Variants in DST observed in about 807,000 individuals in gnomAD.
DST encodes the protein dystonin.
DST carries 253 observed loss-of-function variants against 875.2 expected under a neutral mutation model. The observed-to-expected ratio is 0.29, with a 90% CI of 0.26 to 0.32. The LOEUF (loss-of-function observed/expected upper bound fraction) is 0.32, where lower values mean the gene tolerates loss of function less well. DST is among the 10% of genes least tolerant of loss of function. The pLI is 1.00. For missense variants in DST, 8,287 were observed against 9,111.6 expected (o/e 0.91, Z 3.68); for synonymous variants, 3,124 against 3,197.1 (o/e 0.98, Z 0.77).
chr6:56,789,184 A>C (rs1240755731), intron 4 of DST, among the ~76,000 whole-genome samples: 2 of 152,110 alleles, frequency 1.3e-5, no homozygotes, highest in East Asian at 3.9e-4. Flanking sequence ...AATTTTTTTT[A>C]ATTAGCCAGG....
intron 99 of DST, 70 bp from the exon 100 acceptor site, chr6:56,464,826 G>A (rs930352832): frequency 8.3e-7 from 1 of 1,205,184 alleles, no homozygotes; most frequent in African/African-American, 1.5e-5. Context: ...ACAAAGTACA[G>A]TAGTTGAATA....
intron 4 of DST, among the ~76,000 whole-genome samples, chr6:56,745,891 C>G (rs1484193800): frequency 6.6e-6 from 1 of 152,132 alleles, no homozygotes; most frequent in Admixed American, 6.5e-5. Context: ...CATATTGGCA[C>G]AAATTTGTAA....
chr6:56,746,183 C>CT (rs1346870173), intron 4 of DST, among the ~76,000 whole-genome samples: 2 of 151,978 alleles, frequency 1.3e-5, no homozygotes, highest in South Asian at 2.1e-4. Flanking sequence ...TAGGATCTCC[C>CT]TTTTTTTGTC....
intron 75 of DST, 147 bp from the exon 76 acceptor site, chr6:56,506,936 T>C (rs1441243515): frequency 4.0e-5 from 33 of 828,990 alleles, no homozygotes; most frequent in Admixed American, 6.2e-5. Flanking sequence ...ATAAATTTTT[T>C]CAACAAGAAA....
intron 29 of DST, 147 bp downstream of exon 29, chr6:56,631,736 A>G: frequency 1.4e-6 from 1 of 731,648 alleles, no homozygotes; most frequent in South Asian, 1.6e-5. Context: ...CTAGTTTATA[A>G]TCAGCAATAA....
At chr6:56,779,486 T>A (rs1252923410) in intron 4 of DST, among the ~76,000 whole-genome samples, 1 of 152,078 alleles carries the variant, frequency 6.6e-6, no homozygotes, top group Non-Finnish European at 1.5e-5. Flanking sequence ...TGGTATTGTC[T>A]AGGTTTTCTT....
In DST at chr6:56,471,088, ATC is replaced by A; in HGVS notation, c.22321+16_22321+17del. On this transcript the variant is annotated intron_variant, in intron 95 of 103. Transcript: ENST00000680361. ...TTTAAAAATTGTATCAGTCATAGTC[ATC>A]TGTCTTGGAACTTACTTGAGGAAAG... is the stretch of plus-strand genomic sequence containing the variant. 6.2e-7 allele frequency: 1 copy of A among 1,606,580 alleles called. No individual in the cohort carries two copies. Among genetic ancestry groups the A allele is most frequent in the Non-Finnish European group, 8.5e-7 (1 of 1,176,128 alleles).
Position 56,586,026 on chromosome 6 carries a change from G to A in DST, c.12903+6156C>T, listed in dbSNP as rs1477522753. Among the ~76,000 whole-genome samples the A allele has an allele frequency of 1.2e-3, 177 of 149,100 alleles. 1 individual carries two copies. Among genetic ancestry groups the A allele is most frequent in the African/African-American group, 4.1e-3 (165 of 40,038 alleles). On this transcript the variant is annotated intron_variant, in intron 49 of 103. Transcript: ENST00000680361. ...AGCTTTACTTCCAACTATGTGGTCAGTTTTGGAATAGGTGTGGTGTGGTGC... is the reference window on the plus strand; with the variant it reads ...AGCTTTACTTCCAACTATGTGGTCAATTTTGGAATAGGTGTGGTGTGGTGC...
intron 9 of DST, among the ~76,000 whole-genome samples, chr6:56,678,170 T>G (rs1432586758): frequency 6.6e-6 from 1 of 152,230 alleles, no homozygotes; most frequent in East Asian, 1.9e-4. Flanking sequence ...ATGTGGCACC[T>G]GGCCGTGTGC....
chr6:56,663,852 C>T (rs1169984876), intron 10 of DST, among the ~76,000 whole-genome samples: 2 of 152,112 alleles, frequency 1.3e-5, no homozygotes, highest in African/African-American at 2.4e-5. Context: ...GACTGCTTTG[C>T]TCCTGCATAC....
rs75309121 is a variant in DST at position 56,941,005 on chromosome 6, A to G, written c.216+12780T>C. ...ATAAACTTTGTTCATCTAAGAGTCTAATTTGGTTTTCTCTTCTCAATTATA... is the reference window on the plus strand; with the variant it reads ...ATAAACTTTGTTCATCTAAGAGTCTGATTTGGTTTTCTCTTCTCAATTATA... On this transcript the variant is annotated intron_variant, in intron 2 of 103. Transcript: ENST00000680361. Among the ~76,000 whole-genome samples the G allele has an allele frequency of 3.5e-3, 526 of 152,170 alleles. 5 individuals carry two copies. Among genetic ancestry groups the G allele is most frequent in the African/African-American group, 0.012 (501 of 41,530 alleles).
intron 13 of DST, among the ~76,000 whole-genome samples, chr6:56,647,228 A>G (rs1298998768): frequency 6.6e-6 from 1 of 152,260 alleles, no homozygotes; most frequent in Non-Finnish European, 1.5e-5. Context: ...TTAAGCACCG[A>G]ATACTCCTGT....
chr6:56,733,850 CT>C (rs1367966706), intron 5 of DST, among the ~76,000 whole-genome samples: 6 of 151,920 alleles, frequency 3.9e-5, no homozygotes, highest in African/African-American at 1.5e-4. Context: ...AAGAATAGTT[CT>C]TGGAGTCACA....
chr6:56,795,893 T>TA (rs1218005665), intron 4 of DST, among the ~76,000 whole-genome samples: 1 of 152,208 alleles, frequency 6.6e-6, no homozygotes, highest in African/African-American at 2.4e-5. Context: ...AGAGCACCAA[T>TA]AAAAAATTTT....
intron 9 of DST, chr6:56,692,580 C>A: frequency 7.8e-7 from 1 of 1,289,658 alleles, no homozygotes; most frequent in Non-Finnish European, 1.0e-6. Flanking sequence ...TTTCTATACC[C>A]GAGGGAATAG....
chr6:56,635,811 A>C, intron 23 of DST, 97 bp from the exon 24 acceptor site: 1 of 1,283,096 alleles, frequency 7.8e-7, no homozygotes, highest in Non-Finnish European at 1.1e-6. Flanking sequence ...TGTACCCCTC[A>C]TAAGTGAGAA....
chr6:56,889,844 C>G (rs1786485955), intron 3 of DST, among the ~76,000 whole-genome samples: 1 of 152,078 alleles, frequency 6.6e-6, no homozygotes, highest in African/African-American at 2.4e-5. Context: ...CTCCTAGGTG[C>G]CCTGCCACAG....
At chr6:56,797,231 G>T (rs2099740967) in intron 4 of DST, among the ~76,000 whole-genome samples, 1 of 152,138 alleles carries the variant, frequency 6.6e-6, no homozygotes, top group South Asian at 2.1e-4. Flanking sequence ...ACTTAATCAA[G>T]AAATGTGTGT....
rs560844636 is a variant in DST, at chr6:56,608,796, T to C, written c.5832A>G (p.Thr1944=). ...GTCTCACAGGTAGAAGCCACATCCC[T>C]GTGTTTTCCTGTAAAGTACTTCTTT... The part of the protein sequence containing the change: ...MVQRSTLQEN[T]GMWLLPVRPQ... The change falls in exon 40 of 104, where the codon ACA becomes ACG. Residue 1944 remains threonine, a synonymous_variant. Coordinates refer to ENST00000680361, the MANE Select transcript of DST (RefSeq NM_001374736.1). The C allele has an allele frequency of 1.9e-5, 30 of 1,610,132 alleles. No homozygotes were observed. Among genetic ancestry groups the C allele is most frequent in the East Asian group, 2.2e-5 (1 of 44,738 alleles).
Sources: gnomAD v4.1 joint callset for allele counts (sites outside exome capture counted in the v4.1 genomes callset) on GRCh38, gnomAD v4.1.1 for gene constraint, MANE v1.5 for transcripts, NCBI Gene and HGNC (gene_info 2026-07-23, HGNC 2026-07-21) for gene names.